IMMP1L: variants seen among roughly 807,000 people sequenced by gnomAD.
IMMP1L encodes inner mitochondrial membrane peptidase subunit 1, also known as mitochondrial inner membrane protease subunit 1.
Under a neutral mutation model 21.8 loss-of-function variants are expected in IMMP1L, and 24 were observed. The ratio of observed to expected loss-of-function variants is 1.10; its 90% CI spans 0.80 to 1.55. The LOEUF is 1.55. IMMP1L is among the 40% of genes most tolerant of loss of function. The pLI, the probability that IMMP1L is intolerant of heterozygous loss-of-function variation, is 0.00. For synonymous variants in IMMP1L, 46 were observed against 62.8 expected (o/e 0.73, Z 1.26); for missense variants, 195 against 200.7 (o/e 0.97, Z 0.17).
intron 2 of IMMP1L, among the ~76,000 whole-genome samples, chr11:31,462,852 T>G (rs902406540): frequency 7.2e-5 from 11 of 152,166 alleles, no homozygotes; most frequent in African/African-American, 2.7e-4. Flanking sequence ...GTGTAAAACA[T>G]CAAACATATC....
intron 4 of IMMP1L, among the ~76,000 whole-genome samples, chr11:31,444,476 A>G (rs1160070951): frequency 1.3e-5 from 2 of 152,236 alleles, no homozygotes; most frequent in Admixed American, 1.3e-4. Context: ...ATAATTAAAA[A>G]TGTACATTAA....
intron 5 of IMMP1L, among the ~76,000 whole-genome samples, chr11:31,432,987 T>A (rs527645853): frequency 2.6e-5 from 4 of 152,194 alleles, no homozygotes; most frequent in African/African-American, 9.6e-5. Flanking sequence ...CATGAATGTT[T>A]TTCTCCTCAC....
chr11:31,439,140 C>T (rs112462934), intron 4 of IMMP1L, among the ~76,000 whole-genome samples: 1 of 152,048 alleles, frequency 6.6e-6, no homozygotes, highest in Admixed American at 6.6e-5. Context: ...TCTTTCTGTA[C>T]TTCTTGGATC....
intron 1 of IMMP1L, among the ~76,000 whole-genome samples, chr11:31,468,866 CT>C: frequency 6.6e-6 from 1 of 152,262 alleles, no homozygotes; most frequent in South Asian, 2.1e-4. Flanking sequence ...CTGCATTTAA[CT>C]TTCTGAAGAA....
chr11:31,448,902 CT>C, intron 4 of IMMP1L: 1 of 978,510 alleles, frequency 1.0e-6, no homozygotes, highest in African/African-American at 1.8e-5. Context: ...TGAAATTTAT[CT>C]TCAGAATTGT....
At chr11:31,495,146 C>G (rs985491162) in intron 1 of IMMP1L, among the ~76,000 whole-genome samples, 3 of 152,222 alleles carry the variant, frequency 2.0e-5, no homozygotes, top group African/African-American at 4.8e-5. Context: ...TCATCTCCAT[C>G]TGAGACCACC....
At chr11:31,457,446 G>A (rs543454629) in intron 3 of IMMP1L, among the ~76,000 whole-genome samples, 45 of 152,254 alleles carry the variant, frequency 3.0e-4, no homozygotes, top group African/African-American at 7.0e-4. Context: ...ACTAACACAC[G>A]TTTAAAAGGA....
chr11:31,452,727 A>T lies in IMMP1L; in HGVS notation c.321+3533T>A, dbSNP rs561175290. 6 of 1,017,728 alleles carry T rather than the reference A, an allele frequency of 5.9e-6. No individual in the cohort carries two copies. The East Asian group carries it at 6.3e-4, about 108-fold the overall frequency. 63.0% of individuals were successfully genotyped at this position (1,017,728 alleles called of 1,614,324 possible). A position where few individuals can be genotyped will look rare whatever the true frequency, so the allele number is the denominator to read the frequency against. On this transcript the variant is annotated intron_variant, in intron 4 of 5. Coordinates refer to ENST00000532287, the MANE Select transcript of IMMP1L (RefSeq NM_001304274.2). ...TTATTGGCTTCAGTACCTTCAAAAT[A>T]AGGAAAGCAAACAGCATCTTTTTTT...
intron 1 of IMMP1L, chr11:31,488,119 C>G (rs1296590184): frequency 6.6e-6 from 1 of 151,916 alleles, no homozygotes; most frequent in Admixed American, 6.6e-5. Flanking sequence ...GAGGAAAAAG[C>G]CCACTTACCA....
intron 1 of IMMP1L, among the ~76,000 whole-genome samples, chr11:31,483,034 T>C (rs540539788): frequency 6.6e-6 from 1 of 152,138 alleles, no homozygotes; most frequent in Admixed American, 6.6e-5. Context: ...AGACACTATG[T>C]TGAACAAAGG....
At chr11:31,456,869 A>C in intron 3 of IMMP1L, among the ~76,000 whole-genome samples, 2 of 90,278 alleles carry the variant, frequency 2.2e-5, no homozygotes, top group Non-Finnish European at 1.9e-5. Flanking sequence ...GACTGAGACC[A>C]TGTCTCCAAA....
intron 4 of IMMP1L, among the ~76,000 whole-genome samples, chr11:31,435,735 C>T (rs1953097417): frequency 6.6e-6 from 1 of 152,124 alleles, no homozygotes; most frequent in African/African-American, 2.4e-5. Flanking sequence ...AGCACTCTTT[C>T]AATACTAGGG....
intron 1 of IMMP1L, among the ~76,000 whole-genome samples, chr11:31,494,381 G>C (rs1351568651): frequency 2.0e-5 from 3 of 152,214 alleles, no homozygotes. Flanking sequence ...GGCTGGAGCT[G>C]ACACAGCTGG....
chr11:31,479,841 G>A (rs964116410), intron 1 of IMMP1L, among the ~76,000 whole-genome samples: 5 of 151,896 alleles, frequency 3.3e-5, no homozygotes, highest in African/African-American at 9.7e-5. Flanking sequence ...TGAAGCAGAG[G>A]GTTAATTATG....
chr11:31,432,897 G>A (rs1408792309), intron 5 of IMMP1L, among the ~76,000 whole-genome samples: 1 of 152,082 alleles, frequency 6.6e-6, no homozygotes, highest in Non-Finnish European at 1.5e-5. Flanking sequence ...CAACCAAAGG[G>A]GCTTAGGTTT....
intron 1 of IMMP1L, among the ~76,000 whole-genome samples, chr11:31,508,185 ACGT>A (rs1472355755): frequency 2.6e-5 from 4 of 152,030 alleles, no homozygotes; most frequent in Non-Finnish European, 5.9e-5. Context: ...AAAATTCAAG[ACGT>A]TTCTATCTGA....
chr11:31,456,618 T>A (rs1364533409), intron 3 of IMMP1L, among the ~76,000 whole-genome samples: 1 of 152,004 alleles, frequency 6.6e-6, no homozygotes, highest in Non-Finnish European at 1.5e-5. Flanking sequence ...TCTGATAATT[T>A]CAGAAGATTC....
chr11:31,438,810 G>A (rs1009487585), intron 4 of IMMP1L, among the ~76,000 whole-genome samples: 2 of 151,946 alleles, frequency 1.3e-5, no homozygotes, highest in Non-Finnish European at 2.9e-5. Flanking sequence ...TGTTACTCCA[G>A]GGTTTACAAT....
intron 2 of IMMP1L, among the ~76,000 whole-genome samples, chr11:31,461,180 T>C (rs1954127342): frequency 6.6e-6 from 1 of 152,348 alleles, no homozygotes; most frequent in South Asian, 2.1e-4. Flanking sequence ...AATGGTATTA[T>C]ACTATTCTCA....
Sources: gnomAD v4.1 joint callset for allele counts (sites outside exome capture counted in the v4.1 genomes callset) on GRCh38, gnomAD v4.1.1 for gene constraint, MANE v1.5 for transcripts, NCBI Gene and HGNC (gene_info 2026-07-23, HGNC 2026-07-21) for gene names.